RAD51B: variants seen among roughly 807,000 people sequenced by gnomAD.
The protein encoded by RAD51B is RAD51 paralog B.
RAD51B carries 38 observed loss-of-function variants against 42.2 expected under a neutral mutation model. The ratio of observed to expected loss-of-function variants is 0.90; its 90% CI spans 0.70 to 1.18. The LOEUF (loss-of-function observed/expected upper bound fraction) is 1.18. Among genes scored for constraint, RAD51B ranks in the 50% most tolerant of loss-of-function variants. The pLI, the probability that RAD51B is intolerant of heterozygous loss-of-function variation, is 0.00. For synonymous variants in RAD51B, 154 were observed against 145.2 expected (o/e 1.06, Z -0.43); for missense variants, 373 against 400.7 (o/e 0.93, Z 0.59).
chr14:68,680,371 T>C lies in RAD51B; in HGVS notation c.*11+29515T>C, dbSNP rs575808888. Among the ~76,000 whole-genome samples the C allele has an allele frequency of 2.0e-5, 3 of 152,362 alleles. No individual in the cohort carries two copies. In the South Asian group the frequency reaches 6.2e-4, roughly 32 times the overall value. ...CTTCCCACCATATGTGTAATAAACA[T>C]AACTCAAGCACATAGATGATAGTAA... is the stretch of plus-strand genomic sequence containing the variant. On this transcript the variant is annotated intron_variant, in intron 11 of 11. Transcript: ENST00000488612.
At chr14:68,412,975 A>G (rs575235219) in intron 9 of RAD51B, among the ~76,000 whole-genome samples, 45 of 152,200 alleles carry the variant, frequency 3.0e-4, no homozygotes, top group Non-Finnish European at 4.7e-4. Context: ...CCTTGATCCC[A>G]CTCCTTGAAA....
chr14:68,477,007 C>T (rs1233046730), intron 10 of RAD51B, among the ~76,000 whole-genome samples: 2 of 152,190 alleles, frequency 1.3e-5, no homozygotes, highest in Admixed American at 1.3e-4. Flanking sequence ...AAATCATTTC[C>T]CACAGAGGCT....
intron 10 of RAD51B, among the ~76,000 whole-genome samples, chr14:68,610,389 C>T (rs117140981): frequency 0.01 from 1,577 of 152,332 alleles, 14 homozygotes; most frequent in Non-Finnish European, 0.017. Flanking sequence ...CTTTGGGCCT[C>T]GCTTCCCGTG....
At chr14:67,972,401 C>G (rs1298695571) in intron 7 of RAD51B, among the ~76,000 whole-genome samples, 2 of 151,970 alleles carry the variant, frequency 1.3e-5, no homozygotes, top group Non-Finnish European at 2.9e-5. Flanking sequence ...TGGGAAGGGC[C>G]TAGACTTTAG....
chr14:67,901,884 TAGAC>T (rs1247298931), intron 7 of RAD51B, among the ~76,000 whole-genome samples: 2 of 152,006 alleles, frequency 1.3e-5, no homozygotes, highest in African/African-American at 2.4e-5. Context: ...TGTGGAATGA[TAGAC>T]AGTGGAGACT....
chr14:68,015,401 C>G (rs1285038912), intron 7 of RAD51B, among the ~76,000 whole-genome samples: 1 of 152,070 alleles, frequency 6.6e-6, no homozygotes, highest in Non-Finnish European at 1.5e-5. Context: ...TTAGTCTGTT[C>G]TCATGTTGCT....
intron 7 of RAD51B, among the ~76,000 whole-genome samples, chr14:68,270,590 T>C (rs1022553755): frequency 6.6e-6 from 1 of 152,244 alleles, no homozygotes; most frequent in Non-Finnish European, 1.5e-5. Flanking sequence ...TCGGCTGTTA[T>C]GCAGTGTAAT....
intron 7 of RAD51B, among the ~76,000 whole-genome samples, chr14:68,192,236 C>T (rs897644004): frequency 6.6e-6 from 1 of 152,130 alleles, no homozygotes; most frequent in African/African-American, 2.4e-5. Flanking sequence ...TCATAAGTTG[C>T]AGCTGTTGTG....
intron 7 of RAD51B, among the ~76,000 whole-genome samples, chr14:68,059,303 T>C (rs1290655050): frequency 6.6e-6 from 1 of 152,230 alleles, no homozygotes; most frequent in Non-Finnish European, 1.5e-5. Flanking sequence ...GCTGTAGTTA[T>C]CTTCACAAGA....
intron 9 of RAD51B, among the ~76,000 whole-genome samples, chr14:68,439,351 G>A (rs1456660202): frequency 1.3e-5 from 2 of 152,198 alleles, no homozygotes; most frequent in African/African-American, 4.8e-5. Flanking sequence ...CCTGGGGATG[G>A]TGGTAGCTTC....
chr14:68,563,402 A>G (rs1889254070), intron 10 of RAD51B: 1 of 985,398 alleles, frequency 1.0e-6, no homozygotes, highest in Admixed American at 6.1e-5. Flanking sequence ...CCGCCCCCCA[A>G]GTCCAGAGCC....
chr14:67,858,767 C>A (rs1221477832), intron 4 of RAD51B, among the ~76,000 whole-genome samples: 3 of 152,194 alleles, frequency 2.0e-5, no homozygotes, highest in African/African-American at 7.2e-5. Context: ...GGATACCTGG[C>A]CCTACCCTAT....
At chr14:67,843,177 G>C (rs1308269737) in intron 4 of RAD51B, among the ~76,000 whole-genome samples, 1 of 148,880 alleles carries the variant, frequency 6.7e-6, no homozygotes, top group Non-Finnish European at 1.5e-5. Context: ...TATACTTTAA[G>C]TTTTAGGGTA....
chr14:68,614,141 C>T (rs143101852), downstream of RAD51B, among the ~76,000 whole-genome samples: 31 of 152,216 alleles, frequency 2.0e-4, no homozygotes, highest in African/African-American at 6.0e-4. Context: ...GCCTATGACA[C>T]GATTTTTCAG....
At chr14:68,563,110 C>T (rs1028889145) in intron 10 of RAD51B, 13 of 985,296 alleles carry the variant, frequency 1.3e-5, no homozygotes, top group African/African-American at 1.2e-4. Context: ...TTGACTCTGC[C>T]GGGTTCAGAG....
chr14:68,490,748 A>G lies in RAD51B; in HGVS notation c.1036+22498A>G, dbSNP rs541085981. Among the ~76,000 whole-genome samples, 162 of 152,278 alleles carry G rather than the reference A, an allele frequency of 1.1e-3. 1 individual carries two copies. The highest frequency in any genetic ancestry group is 3.4e-3 in the Middle Eastern group (1 of 294). ...CAGCAACAAAGAGCGTGGGGTATGGAGGGAAAACGTTGAGAGGGGAAGGGT... is the reference window on the plus strand; with the variant it reads ...CAGCAACAAAGAGCGTGGGGTATGGGGGGAAAACGTTGAGAGGGGAAGGGT... On this transcript the variant is annotated intron_variant, in intron 10 of 10. Coordinates refer to the RAD51B transcript ENST00000487270.
intron 10 of RAD51B, among the ~76,000 whole-genome samples, chr14:68,584,469 G>A (rs765077392): frequency 2.6e-5 from 4 of 152,070 alleles, no homozygotes; most frequent in African/African-American, 9.7e-5. Context: ...TCTCTCTAAC[G>A]CTCATGCTCC....
chr14:68,503,497 G>T (rs959242334), intron 10 of RAD51B, among the ~76,000 whole-genome samples: 3 of 136,148 alleles, frequency 2.2e-5, no homozygotes, highest in African/African-American at 7.5e-5. Context: ...CCACTCACTA[G>T]ATTTCTATCT....
chr14:68,295,654 CCAGGT>C (rs2139673312), intron 8 of RAD51B, among the ~76,000 whole-genome samples: 1 of 152,190 alleles, frequency 6.6e-6, no homozygotes, highest in East Asian at 1.9e-4. Context: ...CTCGGTTGGG[CCAGGT>C]CACTTGTATT....
Sources: allele counts gnomAD v4.1 joint callset (sites outside exome capture counted in the v4.1 genomes callset), GRCh38; gene constraint gnomAD v4.1.1; transcripts MANE v1.5; gene names NCBI Gene and HGNC (gene_info 2026-07-23, HGNC 2026-07-21).